SORCS3: variants seen among roughly 807,000 people sequenced by gnomAD.
The protein encoded by SORCS3 is sortilin related VPS10 domain containing receptor 3.
In SORCS3, 57 loss-of-function variants were observed where a neutral mutation model predicts 146.3. The observed-to-expected ratio is 0.39, with a 90% CI of 0.31 to 0.49. SORCS3 has a LOEUF of 0.49. SORCS3 is among the 20% of genes least tolerant of loss of function. The probability of loss-of-function intolerance (pLI) is 0.92; values close to 1 mark genes in which losing one functional copy is unlikely to be tolerated. For synonymous variants in SORCS3, 653 were observed against 618.5 expected (o/e 1.06, Z -0.83); for missense variants, 1,341 against 1,575.5 (o/e 0.85, Z 2.52).
At chr10:104,821,731 G>A (rs1255663192) in intron 1 of SORCS3, among the ~76,000 whole-genome samples, 1 of 152,194 alleles carries the variant, frequency 6.6e-6, no homozygotes, top group African/African-American at 2.4e-5. Context: ...AGGAGCCTCT[G>A]TACCATGGGA....
At chr10:105,179,660 G>A (rs1326798539) in intron 14 of SORCS3, among the ~76,000 whole-genome samples, 1 of 152,174 alleles carries the variant, frequency 6.6e-6, no homozygotes, top group Non-Finnish European at 1.5e-5. Flanking sequence ...ATTTTGTCAG[G>A]ACTCTTCAGA....
At chr10:104,842,895 G>C (rs1329738011) in intron 2 of SORCS3, 36 bp downstream of exon 2, 2 of 1,560,296 alleles carry the variant, frequency 1.3e-6, no homozygotes, top group Non-Finnish European at 8.8e-7. Context: ...AGCCACCCTG[G>C]CTTGGCTCAC....
intron 4 of SORCS3, among the ~76,000 whole-genome samples, chr10:105,000,736 A>G (rs1376543764): frequency 1.3e-5 from 2 of 152,142 alleles, no homozygotes; most frequent in South Asian, 4.1e-4. Context: ...GCATGCTCAG[A>G]TAGTGGCCAA....
At chr10:105,184,370 C>T (rs1052709440) in intron 14 of SORCS3, among the ~76,000 whole-genome samples, 1 of 152,170 alleles carries the variant, frequency 6.6e-6, no homozygotes, top group Non-Finnish European at 1.5e-5. Flanking sequence ...CTTTTCCCCC[C>T]CAACCATTTA....
chr10:105,139,815 A>G (rs1334684698), intron 8 of SORCS3, among the ~76,000 whole-genome samples: 1 of 152,136 alleles, frequency 6.6e-6, no homozygotes, highest in Non-Finnish European at 1.5e-5. Context: ...GGGCTTTATC[A>G]CCAAATAGAA....
chr10:105,147,865 C>T (rs2056143143), intron 9 of SORCS3, 69 bp downstream of exon 9: 1 of 1,362,498 alleles, frequency 7.3e-7, no homozygotes, highest in Non-Finnish European at 1.0e-6. Context: ...GGTATAAACA[C>T]AAGCACTGGA....
chr10:105,155,593 C>T (rs1243770179), intron 9 of SORCS3, among the ~76,000 whole-genome samples: 1 of 152,120 alleles, frequency 6.6e-6, no homozygotes, highest in Non-Finnish European at 1.5e-5. Flanking sequence ...AGGAGATGCA[C>T]CTTTGCAGTT....
chr10:105,194,749 A>G (rs2056535109), intron 14 of SORCS3, among the ~76,000 whole-genome samples: 1 of 152,152 alleles, frequency 6.6e-6, no homozygotes. Flanking sequence ...GTTGACAAAA[A>G]TTTCACCAAA....
intron 2 of SORCS3, among the ~76,000 whole-genome samples, chr10:104,859,399 C>A (rs938661681): frequency 6.6e-6 from 1 of 152,118 alleles, no homozygotes; most frequent in African/African-American, 2.4e-5. Flanking sequence ...CTTGCTTACA[C>A]CTTATACAAA....
chr10:104,713,676 A>G (rs995273424), intron 1 of SORCS3, among the ~76,000 whole-genome samples: 2 of 152,148 alleles, frequency 1.3e-5, no homozygotes, highest in Admixed American at 1.3e-4. Context: ...TTTTTTATAT[A>G]TTGTTGAGTT....
chr10:104,988,351 A>G lies in SORCS3; in HGVS notation c.954+10858A>G, dbSNP rs370090135. On this transcript the variant is annotated intron_variant, in intron 4 of 26. Coordinates refer to ENST00000369701, the MANE Select transcript of SORCS3 (RefSeq NM_014978.3). ...CAGCCATGTGGAAACCAAACCTTCA[A>G]ATGAATCCAGTGGTTCTTATGGCAT... is the stretch of plus-strand genomic sequence containing the variant. Among the ~76,000 whole-genome samples the G allele has an allele frequency of 8.5e-5, 13 of 152,278 alleles. No homozygotes were observed. In the East Asian group the frequency reaches 1.9e-3, roughly 23 times the overall value.
intron 1 of SORCS3, among the ~76,000 whole-genome samples, chr10:104,652,065 GT>G (rs2015569464): frequency 2.1e-5 from 3 of 144,512 alleles, no homozygotes; most frequent in Admixed American, 2.1e-4. Flanking sequence ...TTAAATGTGT[GT>G]GTGTGTGTGT....
At chr10:105,131,381 T>C (rs771833880) in intron 7 of SORCS3, among the ~76,000 whole-genome samples, 161 of 152,292 alleles carry the variant, frequency 1.1e-3, no homozygotes, top group African/African-American at 3.7e-3. Context: ...TAATATTCGA[T>C]ACAGCACAAT....
intron 4 of SORCS3, among the ~76,000 whole-genome samples, chr10:105,025,879 C>CACCT (rs1313673587): frequency 4.0e-5 from 6 of 150,470 alleles, no homozygotes; most frequent in African/African-American, 9.9e-5. Flanking sequence ...CACACACACA[C>CACCT]ACCTGAAGAA....
chr10:104,923,569 T>A (rs2019109465), intron 3 of SORCS3, among the ~76,000 whole-genome samples: 1 of 152,146 alleles, frequency 6.6e-6, no homozygotes, highest in Non-Finnish European at 1.5e-5. Context: ...ATCACACGCA[T>A]TACCCAGGGA....
chr10:105,025,530 C>T (rs1050037909), intron 4 of SORCS3, among the ~76,000 whole-genome samples: 1 of 152,132 alleles, frequency 6.6e-6, no homozygotes, highest in Non-Finnish European at 1.5e-5. Flanking sequence ...ATTATACTTT[C>T]TCGTGTCTTT....
chr10:105,159,104 A>C, intron 11 of SORCS3, 110 bp downstream of exon 11: 2 of 710,654 alleles, frequency 2.8e-6, no homozygotes, highest in South Asian at 1.8e-5. Flanking sequence ...AGCTGTGAGC[A>C]CTCGCCCCAG....
chr10:104,822,578 C>T, intron 1 of SORCS3, among the ~76,000 whole-genome samples: 1 of 152,190 alleles, frequency 6.6e-6, no homozygotes, highest in East Asian at 1.9e-4. Flanking sequence ...GAGACAAACC[C>T]AGGCATATGT....
intron 14 of SORCS3, among the ~76,000 whole-genome samples, chr10:105,193,785 G>A (rs1314654956): frequency 1.3e-5 from 2 of 152,074 alleles, no homozygotes; most frequent in Non-Finnish European, 2.9e-5. Flanking sequence ...GTACTCTTGC[G>A]ACCATGCCCA....
Sources: gnomAD v4.1 joint callset for allele counts (sites outside exome capture counted in the v4.1 genomes callset) on GRCh38, gnomAD v4.1.1 for gene constraint, MANE v1.5 for transcripts, NCBI Gene and HGNC (gene_info 2026-07-23, HGNC 2026-07-21) for gene names.